Variants in CACHD1 observed in about 807,000 individuals in gnomAD.
CACHD1 encodes the protein cache domain containing 1, also known as VWFA and cache domain-containing protein 1.
In CACHD1, 71 loss-of-function variants were observed where a neutral mutation model predicts 138.7. That is an observed-to-expected ratio of 0.51 (90% CI 0.42 to 0.62). The LOEUF (loss-of-function observed/expected upper bound fraction) is 0.62. Among genes scored for constraint, CACHD1 ranks in the 20% least tolerant of loss-of-function variants. The pLI is 0.00. For missense variants in CACHD1, 1,389 were observed against 1,625.3 expected, an observed-to-expected ratio of 0.85 and a Z score of 2.50; for synonymous variants, 578 against 591.5, an observed-to-expected ratio of 0.98 and a Z score of 0.33.
At chr1:64,513,062 G>C (rs1317710088) in intron 1 of CACHD1, among the ~76,000 whole-genome samples, 2 of 152,056 alleles carry the variant, frequency 1.3e-5, no homozygotes, top group Non-Finnish European at 2.9e-5. Flanking sequence ...TTGCAAGCTG[G>C]GTTACCTTGA....
chr1:64,500,252 G>A (rs771345612), intron 1 of CACHD1, among the ~76,000 whole-genome samples: 4 of 152,130 alleles, frequency 2.6e-5, no homozygotes, highest in Non-Finnish European at 4.4e-5. Flanking sequence ...GGAGTCTATG[G>A]GAGAGCACTT....
At chr1:64,594,215 T>C (rs1250143447) in intron 3 of CACHD1, among the ~76,000 whole-genome samples, 10 of 149,926 alleles carry the variant, frequency 6.7e-5, no homozygotes, top group Non-Finnish European at 1.2e-4. Flanking sequence ...GATCGTGCCA[T>C]TGCACTCCAG....
chr1:64,655,687 C>T (rs1649239362), intron 12 of CACHD1, among the ~76,000 whole-genome samples: 1 of 152,194 alleles, frequency 6.6e-6, no homozygotes, highest in African/African-American at 2.4e-5. Flanking sequence ...GCGTATCTAA[C>T]ACACACTGTT....
intron 8 of CACHD1, among the ~76,000 whole-genome samples, chr1:64,642,254 A>T (rs529444524): frequency 1.3e-5 from 2 of 151,858 alleles, no homozygotes; most frequent in African/African-American, 4.8e-5. Context: ...CTTTTTTTTC[A>T]GTTCTCCTTC....
Position 64,491,920 on chromosome 1 carries a change from G to A in CACHD1, c.198+20978G>A, listed in dbSNP as rs974918100. Among the ~76,000 whole-genome samples the A allele has an allele frequency of 2.6e-5, 4 of 151,056 alleles. No homozygotes were observed. The East Asian group carries it at 5.8e-4, about 22-fold the overall frequency. ...ACAAGTGTGAGCCACTGCACCCAGC[G>A]GTTTTTTTTGTTTGTTTGTTTTTTG... On this transcript the variant is annotated intron_variant, in intron 1 of 26. Transcript: ENST00000651257.
intron 3 of CACHD1, among the ~76,000 whole-genome samples, chr1:64,589,117 T>G (rs1257093721): frequency 1.3e-5 from 2 of 152,184 alleles, no homozygotes; most frequent in Non-Finnish European, 2.9e-5. Context: ...CTTCACTGAT[T>G]CCAAAAATGA....
intron 2 of CACHD1, among the ~76,000 whole-genome samples, chr1:64,572,949 A>G (rs1570379108): frequency 1.3e-5 from 2 of 152,260 alleles, no homozygotes; most frequent in Middle Eastern, 3.4e-3. Flanking sequence ...CTTGTCCTGT[A>G]TCGTTTCCTG....
intron 1 of CACHD1, among the ~76,000 whole-genome samples, chr1:64,495,108 G>A (rs1414583889): frequency 1.3e-5 from 2 of 152,092 alleles, no homozygotes; most frequent in Non-Finnish European, 2.9e-5. Flanking sequence ...AGATCCAGTG[G>A]TTGAAAACAC....
At chr1:64,534,707 C>A (rs186443100) in intron 1 of CACHD1, among the ~76,000 whole-genome samples, 2 of 152,224 alleles carry the variant, frequency 1.3e-5, no homozygotes, top group African/African-American at 4.8e-5. Flanking sequence ...TGGGGCTGGC[C>A]CATAGCCTGT....
chr1:64,600,191 A>G lies in CACHD1; in HGVS notation c.411-2615A>G, dbSNP rs79054981. On this transcript the variant is annotated intron_variant, in intron 3 of 26. Coordinates refer to ENST00000651257, the MANE Select transcript of CACHD1 (RefSeq NM_020925.4). ...TACCCTATTCTCTTCATCTAAATCC[A>G]ATCAGAAGATCCGGTGTCTTCGGTC... 4.6e-3 allele frequency among the ~76,000 whole-genome samples: 705 copies of G among 152,276 alleles called. 7 individuals carry two copies. Among genetic ancestry groups the G allele is most frequent in the African/African-American group, 0.016 (683 of 41,550 alleles).
At chr1:64,486,902 G>T (rs891596203) in intron 1 of CACHD1, among the ~76,000 whole-genome samples, 7 of 152,288 alleles carry the variant, frequency 4.6e-5, no homozygotes, top group Middle Eastern at 3.4e-3. Context: ...CATAAAGTAG[G>T]TTAACATGGA....
intron 2 of CACHD1, among the ~76,000 whole-genome samples, chr1:64,574,323 A>G (rs1033441641): frequency 2.6e-5 from 4 of 152,216 alleles, no homozygotes; most frequent in African/African-American, 9.6e-5. Context: ...TAAGGCACAA[A>G]TGAGACACTT....
At position 64,647,991 on chromosome 1, in the gene CACHD1, T is replaced by C; in HGVS notation, c.1347T>C (p.Asp449=). The C allele has an allele frequency of 1.2e-6, 2 of 1,613,956 alleles. No homozygotes were observed. The highest frequency in any genetic ancestry group is 8.5e-7 in the Non-Finnish European group (1 of 1,179,970). Residue 449 remains aspartate, a synonymous_variant, in exon 9 of 27, where the codon GAT becomes GAC. Transcript: ENST00000651257. Reference sequence around the variant, plus strand: ...CAAACCTTCCCAACCGGATGATTGATGAAGCCGTCTTCAGCCTGCCCTTCT... The same window carrying C: ...CAAACCTTCCCAACCGGATGATTGACGAAGCCGTCTTCAGCCTGCCCTTCT... ...FYTNLPNRMI[D]EAVFSLPFSD...
intron 1 of CACHD1, among the ~76,000 whole-genome samples, chr1:64,477,741 TCTC>T (rs1646184149): frequency 6.6e-6 from 1 of 151,422 alleles, no homozygotes; most frequent in Admixed American, 6.6e-5. Flanking sequence ...TTCATGCCAT[TCTC>T]CTGCCTCAGC....
rs764742615 is a variant in CACHD1 at position 64,654,711 on chromosome 1, G to A, written c.1690G>A (p.Ala564Thr). 8 of 1,613,588 alleles carry A rather than the reference G, an allele frequency of 5.0e-6. No homozygotes were observed. The highest frequency in any genetic ancestry group is 4.5e-5 in the East Asian group (2 of 44,864). The stretch of plus-strand genomic sequence containing the variant: ...CCTCCCTCTGGGCAGCCAGATTATC[G>A]CAGTCCCTGTGAACTCATCCCTGTC... The part of the protein sequence containing the change: ...LSLPLGSQII[A>T]VPVNSSLSWH... The change falls in exon 12 of 27, where the codon GCA (alanine) becomes ACA (threonine). Residue 564 changes from alanine to threonine, a missense_variant. Ala to Thr is a moderately conservative substitution (Grantham distance 58). Transcript: ENST00000651257.
At chr1:64,509,849 G>A (rs1010189892) in intron 1 of CACHD1, among the ~76,000 whole-genome samples, 3 of 152,130 alleles carry the variant, frequency 2.0e-5, no homozygotes, top group African/African-American at 4.8e-5. Flanking sequence ...AATACTCCTA[G>A]ATGTATTTTG....
At chr1:64,633,570 G>C (rs1648390760) in intron 6 of CACHD1, among the ~76,000 whole-genome samples, 2 of 152,260 alleles carry the variant, frequency 1.3e-5, no homozygotes, top group Middle Eastern at 3.4e-3. Context: ...ACCTCAGAGA[G>C]AGGTGTGGGT....
chr1:64,561,901 A>C (rs925924149), intron 2 of CACHD1, among the ~76,000 whole-genome samples: 1 of 139,968 alleles, frequency 7.1e-6, no homozygotes, highest in Non-Finnish European at 1.5e-5. Context: ...TTTTTCTTAA[A>C]AGATATTTTT....
intron 3 of CACHD1, among the ~76,000 whole-genome samples, chr1:64,585,027 A>C (rs976839560): frequency 6.6e-6 from 1 of 152,222 alleles, no homozygotes; most frequent in Non-Finnish European, 1.5e-5. Context: ...TATATAATAT[A>C]AACATGTAAA....
Sources: gnomAD v4.1 joint callset for allele counts (sites outside exome capture counted in the v4.1 genomes callset) on GRCh38, gnomAD v4.1.1 for gene constraint, MANE v1.5 for transcripts, NCBI Gene and HGNC (gene_info 2026-07-23, HGNC 2026-07-21) for gene names.